The following ACCSL variants were observed in gnomAD, a reference collection of about 807,000 sequenced individuals.
ACCSL encodes probable inactive 1-aminocyclopropane-1-carboxylate synthase-like protein 2.
A neutral mutation model predicts 61.7 loss-of-function variants in ACCSL; 55 were observed. That is an observed-to-expected ratio of 0.89 (90% CI 0.72 to 1.12). ACCSL has a LOEUF of 1.12. ACCSL is among the 50% of genes most tolerant of loss of function. The pLI is 0.00. For missense variants in ACCSL, 632 were observed against 698.0 expected (o/e 0.91, Z 1.07); for synonymous variants, 258 against 264.3 (o/e 0.98, Z 0.23).
chr11:44,032,632 A>G, the ACCSL span, among the ~76,000 whole-genome samples: 1 of 152,280 alleles, frequency 6.6e-6, no homozygotes, highest in East Asian at 1.9e-4. Flanking sequence ...AAAACATAGC[A>G]GAGTGGACTG....
At chr11:44,015,993 C>T in the ACCSL span, among the ~76,000 whole-genome samples, 1 of 152,188 alleles carries the variant, frequency 6.6e-6, no homozygotes, top group Non-Finnish European at 1.5e-5. Flanking sequence ...AATTCTTCCT[C>T]CAATAAAAAT....
At chr11:44,047,059 A>G (rs1952602967), upstream of ACCSL, among the ~76,000 whole-genome samples, 1 of 152,186 alleles carries the variant, frequency 6.6e-6, no homozygotes, top group African/African-American at 2.4e-5. Context: ...ATTGCTAAGT[A>G]TAGTCCCAGG....
chr11:43,928,317 C>T, the ACCSL span, among the ~76,000 whole-genome samples: 155 of 152,218 alleles, frequency 1.0e-3, no homozygotes, highest in African/African-American at 3.5e-3. Context: ...GAAAAGATGT[C>T]GGATTTTCTA....
At chr11:43,928,340 C>A in the ACCSL span, among the ~76,000 whole-genome samples, 91 of 152,270 alleles carry the variant, frequency 6.0e-4, no homozygotes, top group African/African-American at 2.1e-3. Flanking sequence ...GCTGGTAACA[C>A]CCCTTCTTCC....
At chr11:44,010,535 A>C in the ACCSL span, among the ~76,000 whole-genome samples, 2 of 152,148 alleles carry the variant, frequency 1.3e-5, no homozygotes, top group African/African-American at 4.8e-5. Flanking sequence ...CTCATGCCCA[A>C]GTGGATAACA....
chr11:43,978,003 CTTTT>C, the ACCSL span, among the ~76,000 whole-genome samples: 3 of 97,648 alleles, frequency 3.1e-5, no homozygotes, highest in Non-Finnish European at 5.8e-5. Context: ...CTAGGAAGCT[CTTTT>C]TTTTTTTTTT....
the ACCSL span, among the ~76,000 whole-genome samples, chr11:44,004,573 C>T: frequency 6.6e-6 from 1 of 152,206 alleles, no homozygotes; most frequent in Non-Finnish European, 1.5e-5. Flanking sequence ...CTTTCATTCT[C>T]AGCCCAGCCC....
intron 3 of ACCSL, among the ~76,000 whole-genome samples, chr11:44,050,840 CTTTT>C (rs66464203): frequency 7.9e-6 from 1 of 126,758 alleles, no homozygotes. Flanking sequence ...GGCCTGAGTT[CTTTT>C]TTTTTTTTTT....
At chr11:43,950,656 A>C in the ACCSL span, among the ~76,000 whole-genome samples, 1 of 152,190 alleles carries the variant, frequency 6.6e-6, no homozygotes, top group East Asian at 1.9e-4. Flanking sequence ...GGGCACAGGG[A>C]TGTGCCTACA....
the ACCSL span, among the ~76,000 whole-genome samples, chr11:43,971,869 C>T: frequency 6.6e-6 from 1 of 152,220 alleles, no homozygotes; most frequent in African/African-American, 2.4e-5. Flanking sequence ...CTCAGGGTCA[C>T]AGACCTCACC....
chr11:43,999,126 T>C, the ACCSL span, among the ~76,000 whole-genome samples: 1 of 152,186 alleles, frequency 6.6e-6, no homozygotes, highest in Admixed American at 6.5e-5. Flanking sequence ...AAATGAGATA[T>C]TGAATGTTAA....
At chr11:43,949,828 A>AAACAACAAC in the ACCSL span, among the ~76,000 whole-genome samples, 124 of 150,666 alleles carry the variant, frequency 8.2e-4, 2 homozygotes, top group South Asian at 3.8e-3. Context: ...AAAAACAAAC[A>AAACAACAAC]AACAACAACA....
the ACCSL span, among the ~76,000 whole-genome samples, chr11:43,937,202 A>G: frequency 6.6e-6 from 1 of 152,200 alleles, no homozygotes; most frequent in East Asian, 1.9e-4. Context: ...GGACCTCTGC[A>G]TGCCAGCTCT....
chr11:44,042,650 G>GT, the ACCSL span, among the ~76,000 whole-genome samples: 1,646 of 125,982 alleles, frequency 0.013, 32 homozygotes, highest in African/African-American at 0.049. Context: ...TGTTTTGTTT[G>GT]TTTTTTTTGT....
chr11:44,007,556 T>C, the ACCSL span, among the ~76,000 whole-genome samples: 13 of 152,270 alleles, frequency 8.5e-5, no homozygotes, highest in African/African-American at 2.9e-4. Context: ...ACCACATCCC[T>C]GTTGTCTCAT....
At chr11:44,004,532 C>T in the ACCSL span, among the ~76,000 whole-genome samples, 8 of 152,190 alleles carry the variant, frequency 5.3e-5, no homozygotes, top group Admixed American at 1.3e-4. Context: ...CTGTCTGCGA[C>T]TCTCAAGGGC....
chr11:44,035,539 G>C, the ACCSL span, among the ~76,000 whole-genome samples: 2 of 152,134 alleles, frequency 1.3e-5, no homozygotes, highest in Admixed American at 6.5e-5. Flanking sequence ...GGGCTTAAGG[G>C]AGAAAGAAGC....
the ACCSL span, among the ~76,000 whole-genome samples, chr11:44,035,215 T>C: frequency 6.6e-6 from 1 of 152,070 alleles, no homozygotes; most frequent in African/African-American, 2.4e-5. Flanking sequence ...TACTTATTTA[T>C]ATATGTTGCT....
the ACCSL span, among the ~76,000 whole-genome samples, chr11:44,021,852 C>T: frequency 6.6e-6 from 1 of 152,136 alleles, no homozygotes; most frequent in African/African-American, 2.4e-5. Flanking sequence ...CTGATGATCC[C>T]AGGACCATTT....
Sources: gnomAD v4.1 joint callset for allele counts (sites outside exome capture counted in the v4.1 genomes callset) on GRCh38, gnomAD v4.1.1 for gene constraint, MANE v1.5 for transcripts, NCBI Gene and HGNC (gene_info 2026-07-23, HGNC 2026-07-21) for gene names.